Variants in GADL1 observed in about 807,000 individuals in gnomAD.
The protein encoded by GADL1 is GAD like acidic amino acid decarboxylase 1, also known as acidic amino acid decarboxylase GADL1.
In GADL1, 71 loss-of-function variants were observed where a neutral mutation model predicts 69.5. The observed-to-expected ratio is 1.02, with a 90% CI of 0.84 to 1.25. The LOEUF (loss-of-function observed/expected upper bound fraction) is 1.25. Ranked by LOEUF, GADL1 falls within the 50% of genes most tolerant of loss-of-function variation. GADL1 has a pLI of 0.00. For missense variants in GADL1, 737 were observed against 631.8 expected (o/e 1.17, Z -1.79); for synonymous variants, 254 against 214.4 (o/e 1.18, Z -1.62).
At chr3:30,745,818 C>T (rs1695693493) in intron 14 of GADL1, among the ~76,000 whole-genome samples, 1 of 152,124 alleles carries the variant, frequency 6.6e-6, no homozygotes, top group African/African-American at 2.4e-5. Context: ...AATACATTCT[C>T]TGCCTGATTT....
intron 8 of GADL1, among the ~76,000 whole-genome samples, chr3:30,841,793 C>T (rs1575229830): frequency 6.6e-6 from 1 of 151,998 alleles, no homozygotes; most frequent in African/African-American, 2.4e-5. Flanking sequence ...ATACCAGACC[C>T]CACCAATCAA....
At chr3:30,872,945 T>A (rs1334951176) in intron 1 of GADL1, among the ~76,000 whole-genome samples, 1 of 151,946 alleles carries the variant, frequency 6.6e-6, no homozygotes, top group Admixed American at 6.6e-5. Context: ...TTACACTGTT[T>A]TCCAAAACTT....
At chr3:30,746,422 G>A (rs1299292545) in intron 14 of GADL1, among the ~76,000 whole-genome samples, 1 of 152,152 alleles carries the variant, frequency 6.6e-6, no homozygotes, top group Non-Finnish European at 1.5e-5. Flanking sequence ...TGATTTTAAT[G>A]TGAAACCAAG....
intron 14 of GADL1, 100 bp from the exon 15 acceptor site, chr3:30,728,515 G>C: frequency 1.2e-6 from 1 of 853,164 alleles, no homozygotes; most frequent in Non-Finnish European, 1.9e-6. Flanking sequence ...GCATCCACTG[G>C]TTTGGATCCC....
chr3:30,816,619 C>T (rs1216787903), intron 11 of GADL1, among the ~76,000 whole-genome samples: 2 of 132,676 alleles, frequency 1.5e-5, no homozygotes, highest in Non-Finnish European at 3.1e-5. Context: ...TATCTTGGCT[C>T]ACTGCAACCT....
At chr3:30,837,555 A>G (rs1697894128) in intron 9 of GADL1, among the ~76,000 whole-genome samples, 1 of 152,150 alleles carries the variant, frequency 6.6e-6, no homozygotes. Flanking sequence ...TCTAAGCCCC[A>G]TAAATCTCTT....
At chr3:30,740,138 G>C (rs1695595266) in intron 14 of GADL1, among the ~76,000 whole-genome samples, 1 of 152,146 alleles carries the variant, frequency 6.6e-6, no homozygotes, top group African/African-American at 2.4e-5. Flanking sequence ...AAAGCAGGCA[G>C]GACCCACCTC....
In GADL1 at chr3:30,834,228, A is replaced by C; in HGVS notation, c.957T>G (p.His319Gln). The change falls in exon 10 of 15, where the codon CAT becomes CAG. Residue 319 changes from histidine to glutamine, a missense_variant. Coordinates refer to ENST00000282538, the MANE Select transcript of GADL1 (RefSeq NM_207359.3). Reference sequence around the variant, plus strand: ...GAAACTACATTTACCTGTGGATGCCATGCAGAAGCTTGCGGTGCTTCCTCG... The same window carrying C: ...GAAACTACATTTACCTGTGGATGCCCTGCAGAAGCTTGCGGTGCTTCCTCG... ...LMSRKHRKLLHGIHRADSVAW... is the reference protein window; with the variant it reads ...LMSRKHRKLLQGIHRADSVAW... 8 of 1,612,886 alleles carry C rather than the reference A, an allele frequency of 5.0e-6. No homozygotes were observed. The highest frequency in any genetic ancestry group is 6.8e-6 in the Non-Finnish European group (8 of 1,179,186).
At chr3:30,841,786 C>A (rs996200612) in intron 8 of GADL1, among the ~76,000 whole-genome samples, 2 of 152,038 alleles carry the variant, frequency 1.3e-5, no homozygotes, top group African/African-American at 4.8e-5. Context: ...ACTGACGATA[C>A]CAGACCCCAC....
intron 11 of GADL1, among the ~76,000 whole-genome samples, chr3:30,811,208 G>A (rs755106943): frequency 6.6e-6 from 1 of 152,076 alleles, no homozygotes; most frequent in Admixed American, 6.6e-5. Context: ...CCTAACTAAG[G>A]GTTAGAATGA....
chr3:30,760,983 C>T (rs1224663076), intron 14 of GADL1, among the ~76,000 whole-genome samples: 4 of 138,272 alleles, frequency 2.9e-5, no homozygotes, highest in Non-Finnish European at 4.8e-5. Flanking sequence ...TAAATATTTA[C>T]CTAGACTGGC....
chr3:30,776,409 C>A (rs889691925), intron 14 of GADL1, among the ~76,000 whole-genome samples: 2 of 152,194 alleles, frequency 1.3e-5, no homozygotes, highest in African/African-American at 4.8e-5. Flanking sequence ...GTTCCTGTTT[C>A]TCTTTATGGG....
chr3:30,762,965 TTATCTG>T (rs745951372), intron 14 of GADL1, among the ~76,000 whole-genome samples: 39 of 152,198 alleles, frequency 2.6e-4, no homozygotes, highest in Non-Finnish European at 5.0e-4. Flanking sequence ...GTACCATACT[TTATCTG>T]TAGATGGACA....
intron 1 of GADL1, among the ~76,000 whole-genome samples, chr3:30,892,057 C>T (rs1379520853): frequency 6.6e-6 from 1 of 152,190 alleles, no homozygotes; most frequent in Non-Finnish European, 1.5e-5. Context: ...GAAAGTTGTG[C>T]TATTATTTCA....
At position 30,857,020 on chromosome 3, in the gene GADL1, T is replaced by C; in HGVS notation, c.332A>G (p.Lys111Arg). The C allele has an allele frequency of 6.5e-6, 10 of 1,549,402 alleles. No individual in the cohort carries two copies. The highest frequency in any genetic ancestry group is 8.7e-6 in the Non-Finnish European group (10 of 1,145,304). ...AAGTAAATTAAAGTTCTTACTAGTT[T>C]TGACACTGTAGTGTATGACATCCCG... Reference protein sequence around the residue: ...LCRDVIHYSVKTNHPRFFNQL... With the variant: ...LCRDVIHYSVRTNHPRFFNQL... Residue 111 changes from lysine (K) to arginine (R), a missense_variant, in exon 3 of 15, where the codon AAA (lysine) becomes AGA (arginine). By Grantham distance (26) the Lys-to-Arg change is conservative. Coordinates refer to ENST00000282538, the MANE Select transcript of GADL1 (RefSeq NM_207359.3).
At chr3:30,759,441 T>C (rs1308382832) in intron 14 of GADL1, among the ~76,000 whole-genome samples, 2 of 152,172 alleles carry the variant, frequency 1.3e-5, no homozygotes, top group African/African-American at 4.8e-5. Flanking sequence ...AACATTTATC[T>C]TTTCCTCAAG....
At chr3:30,757,975 T>G (rs1254974632) in intron 14 of GADL1, among the ~76,000 whole-genome samples, 3 of 152,232 alleles carry the variant, frequency 2.0e-5, no homozygotes, top group Non-Finnish European at 4.4e-5. Context: ...ACCATGGTGT[T>G]TATTCATTAA....
At chr3:30,818,091 C>T (rs1243070229) in intron 11 of GADL1, among the ~76,000 whole-genome samples, 1 of 152,076 alleles carries the variant, frequency 6.6e-6, no homozygotes, top group Non-Finnish European at 1.5e-5. Flanking sequence ...CACAATGACC[C>T]CTTACTTCCC....
At chr3:30,873,229 T>C (rs1260282401) in intron 1 of GADL1, among the ~76,000 whole-genome samples, 3 of 152,040 alleles carry the variant, frequency 2.0e-5, no homozygotes, top group Non-Finnish European at 2.9e-5. Flanking sequence ...TAACATTTAA[T>C]GGATACTTAC....
Sources: gnomAD v4.1 joint callset for allele counts (sites outside exome capture counted in the v4.1 genomes callset) on GRCh38, gnomAD v4.1.1 for gene constraint, MANE v1.5 for transcripts, NCBI Gene and HGNC (gene_info 2026-07-23, HGNC 2026-07-21) for gene names.